C2orf76: variants seen among roughly 807,000 people sequenced by gnomAD.
The protein encoded by C2orf76 is chromosome 2 open reading frame 76.
A neutral mutation model predicts 16.9 loss-of-function variants in C2orf76; 23 were observed. That is an observed-to-expected ratio of 1.36 (90% CI 0.98 to 1.93). C2orf76 has a LOEUF of 1.93. C2orf76 is among the 30% of genes most tolerant of loss of function. The pLI, the probability that C2orf76 is intolerant of heterozygous loss-of-function variation, is 0.00. For synonymous variants in C2orf76, 48 were observed against 52.3 expected, an observed-to-expected ratio of 0.92 and a Z score of 0.35; for missense variants, 152 against 152.6, an observed-to-expected ratio of 1.00 and a Z score of 0.02.
chr2:119,305,085 T>C (rs1448943222), intron 5 of C2orf76, among the ~76,000 whole-genome samples: 1 of 152,180 alleles, frequency 6.6e-6, no homozygotes, highest in East Asian at 1.9e-4. Context: ...GGCATGGGAA[T>C]CTGAAATGAA....
downstream of C2orf76, among the ~76,000 whole-genome samples, chr2:119,302,002 T>C (rs1678632179): frequency 6.6e-6 from 1 of 151,266 alleles, no homozygotes; most frequent in Non-Finnish European, 1.5e-5. Context: ...GTGGTATGTA[T>C]CACACACCCT....
intron 3 of C2orf76, among the ~76,000 whole-genome samples, chr2:119,318,430 A>C (rs1438759159): frequency 6.6e-6 from 1 of 152,196 alleles, no homozygotes; most frequent in Non-Finnish European, 1.5e-5. Context: ...ACCTTATTTA[A>C]CTATGTTCTC....
intron 5 of C2orf76, 80 bp downstream of exon 5, chr2:119,311,542 G>C (rs935138693): frequency 1.3e-6 from 2 of 1,542,146 alleles, no homozygotes; most frequent in African/African-American, 2.8e-5. Context: ...TTTCCAGTGA[G>C]TTATCCAAAT....
At chr2:119,346,262 T>C (rs1024886990) in intron 1 of C2orf76, among the ~76,000 whole-genome samples, 12 of 152,208 alleles carry the variant, frequency 7.9e-5, no homozygotes, top group African/African-American at 2.9e-4. Flanking sequence ...ACCCATTATA[T>C]AACCCAGTAA....
At chr2:119,301,142 T>C (rs1299928657), downstream of C2orf76, among the ~76,000 whole-genome samples, 2 of 151,554 alleles carry the variant, frequency 1.3e-5, no homozygotes, top group African/African-American at 2.4e-5. Flanking sequence ...TGGCAGCTTT[T>C]TCTGCTATTC....
chr2:119,337,382 T>G (rs2104598394), intron 2 of C2orf76, among the ~76,000 whole-genome samples: 1 of 152,270 alleles, frequency 6.6e-6, no homozygotes, highest in South Asian at 2.1e-4. Context: ...GGCAAGCTTC[T>G]TAACCCCTCT....
intron 1 of C2orf76, among the ~76,000 whole-genome samples, chr2:119,348,882 G>A (rs191170377): frequency 3.9e-5 from 6 of 152,240 alleles, no homozygotes; most frequent in East Asian, 3.9e-4. Flanking sequence ...CTGTAGTTGC[G>A]GGGCTGAGGT....
chr2:119,321,345 C>T (rs11903562), intron 2 of C2orf76, 141 bp from the exon 3 acceptor site: 13 of 526,536 alleles, frequency 2.5e-5, no homozygotes, highest in African/African-American at 1.4e-4. Flanking sequence ...AATACATCAC[C>T]GAAATCCAAG....
At chr2:119,291,306 T>G in the C2orf76 span, among the ~76,000 whole-genome samples, 1 of 151,948 alleles carries the variant, frequency 6.6e-6, no homozygotes, top group Non-Finnish European at 1.5e-5. Flanking sequence ...GAGATTCTAT[T>G]TCCTTGAACA....
chr2:119,295,298 C>T, the C2orf76 span, among the ~76,000 whole-genome samples: 5 of 152,008 alleles, frequency 3.3e-5, no homozygotes, highest in Non-Finnish European at 2.9e-5. Flanking sequence ...CTGCAGGTGT[C>T]GGCAACAAGG....
intron 4 of C2orf76, among the ~76,000 whole-genome samples, chr2:119,315,193 T>TACACAC (rs148908865): frequency 1.3e-5 from 2 of 149,912 alleles, no homozygotes; most frequent in African/African-American, 2.4e-5. Flanking sequence ...CACACACACA[T>TACACAC]ACACACACAC....
chr2:119,367,031 A>T (rs776864903), upstream of C2orf76: 5 of 1,613,866 alleles, frequency 3.1e-6, no homozygotes, highest in African/African-American at 1.3e-5. Flanking sequence ...GTCTCCCTGG[A>T]GTTCTTGCAA....
intron 2 of C2orf76, among the ~76,000 whole-genome samples, chr2:119,322,858 G>A (rs72829478): frequency 0.037 from 5,574 of 151,204 alleles, 125 homozygotes; most frequent in South Asian, 0.076. Flanking sequence ...AGTGGGGGGT[G>A]GGGAGGGCAG....
intron 4 of C2orf76, among the ~76,000 whole-genome samples, chr2:119,314,220 A>G (rs1351863656): frequency 6.6e-6 from 1 of 151,946 alleles, no homozygotes; most frequent in African/African-American, 2.4e-5. Flanking sequence ...TGAATTTTTC[A>G]TCGTGGAGAA....
chr2:119,310,070 T>C (rs1678932585), intron 5 of C2orf76, among the ~76,000 whole-genome samples: 1 of 152,266 alleles, frequency 6.6e-6, no homozygotes, highest in South Asian at 2.1e-4. Flanking sequence ...AATCATTCTT[T>C]CCTCACTTAT....
chr2:119,317,107 A>G (rs1373602372), intron 4 of C2orf76, among the ~76,000 whole-genome samples: 2 of 152,222 alleles, frequency 1.3e-5, no homozygotes, highest in African/African-American at 4.8e-5. Context: ...TTGTTCTGGT[A>G]CAGAATTAAG....
upstream of C2orf76, chr2:119,366,861 A>G (rs1229384483): frequency 2.8e-6 from 2 of 720,288 alleles, no homozygotes; most frequent in Non-Finnish European, 4.5e-6. Context: ...GGGCGGGGCT[A>G]GCGCCGCGGC....
Position 119,302,275 on chromosome 2 carries a change from CATAAT to C in C2orf76, c.*192_*196del, listed in dbSNP as rs1678638438. On this transcript the variant is annotated 3_prime_UTR_variant, in exon 6 of 6. Transcript: ENST00000334816. ...CTTTAAAAAGATCAAATGTTTTTCT[CATAAT>C]ATATTATTTTACAACAACAAAGAAA... The C allele has an allele frequency of 5.3e-6, 2 of 380,120 alleles. No individual in the cohort carries two copies. Among genetic ancestry groups the C allele is most frequent in the Admixed American group, 4.6e-5 (1 of 21,910 alleles). The allele number at this position is 380,120 out of a possible 1,614,324, so 23.5% of individuals were successfully genotyped here.
intron 1 of C2orf76, among the ~76,000 whole-genome samples, chr2:119,361,189 G>A (rs1285359840): frequency 1.3e-5 from 2 of 152,182 alleles, no homozygotes; most frequent in South Asian, 2.1e-4. Context: ...TTCCACTTTT[G>A]ATGGTTTGAA....
Sources: gnomAD v4.1 joint callset for allele counts (sites outside exome capture counted in the v4.1 genomes callset) on GRCh38, gnomAD v4.1.1 for gene constraint, MANE v1.5 for transcripts, NCBI Gene and HGNC (gene_info 2026-07-23, HGNC 2026-07-21) for gene names.